Variants in CNOT11 observed in about 807,000 individuals in gnomAD.
CNOT11 encodes CCR4-NOT transcription complex subunit 11.
In CNOT11, 18 loss-of-function variants were observed where a neutral mutation model predicts 44.6. The ratio of observed to expected loss-of-function variants is 0.40; its 90% CI spans 0.28 to 0.60. The LOEUF is 0.60. Ranked by LOEUF, CNOT11 falls within the 20% of genes least tolerant of loss-of-function variation. The probability of loss-of-function intolerance (pLI) is 0.38; values close to 1 mark genes in which losing one functional copy is unlikely to be tolerated. For missense variants in CNOT11, 513 were observed against 677.0 expected, an observed-to-expected ratio of 0.76 and a Z score of 2.69; for synonymous variants, 291 against 270.9, an observed-to-expected ratio of 1.07 and a Z score of -0.73.
At chr2:101,262,008 G>A (rs1011937281) in intron 2 of CNOT11, among the ~76,000 whole-genome samples, 8 of 151,732 alleles carry the variant, frequency 5.3e-5, no homozygotes, top group Non-Finnish European at 1.0e-4. Flanking sequence ...CACCATGCCC[G>A]GCTAATTTTT....
intron 1 of CNOT11, among the ~76,000 whole-genome samples, chr2:101,256,392 C>T (rs1681736445): frequency 6.6e-6 from 1 of 151,920 alleles, no homozygotes; most frequent in Non-Finnish European, 1.5e-5. Context: ...GAGCAGGGGT[C>T]AAAACTGGGA....
intron 1 of CNOT11, among the ~76,000 whole-genome samples, chr2:101,255,945 C>G (rs1681728027): frequency 6.6e-6 from 1 of 152,122 alleles, no homozygotes; most frequent in South Asian, 2.1e-4. Context: ...GGAAGCCAGC[C>G]TGGCCAACAT....
chr2:101,259,260 C>A (rs1681798986), intron 2 of CNOT11, among the ~76,000 whole-genome samples: 1 of 152,306 alleles, frequency 6.6e-6, no homozygotes, highest in African/African-American at 2.4e-5. Flanking sequence ...TGTCTTTCTG[C>A]CAGTACCACA....
intron 5 of CNOT11, among the ~76,000 whole-genome samples, chr2:101,267,212 C>T (rs1446208895): frequency 2.0e-5 from 3 of 152,028 alleles, no homozygotes; most frequent in Admixed American, 6.6e-5. Context: ...AACCTCCACC[C>T]GCTGGGTTCA....
At chr2:101,262,886 A>G (rs992252070) in intron 3 of CNOT11, among the ~76,000 whole-genome samples, 195 bp downstream of exon 3, 1 of 152,124 alleles carries the variant, frequency 6.6e-6, no homozygotes, top group Non-Finnish European at 1.5e-5. Flanking sequence ...CTTTAAGAAA[A>G]ATGCATGCCA....
intron 2 of CNOT11, among the ~76,000 whole-genome samples, chr2:101,260,140 A>G (rs2104364531): frequency 6.6e-6 from 1 of 152,350 alleles, no homozygotes; most frequent in East Asian, 1.9e-4. Flanking sequence ...TAATAAGTAC[A>G]AAAGTACTAG....
intron 4 of CNOT11, among the ~76,000 whole-genome samples, chr2:101,266,431 G>C (rs1681984757): frequency 6.6e-6 from 1 of 152,002 alleles, no homozygotes; most frequent in Non-Finnish European, 1.5e-5. Flanking sequence ...CCAGGAATAG[G>C]AATCACTAGC....
At chr2:101,258,347 G>C (rs1365590711) in intron 2 of CNOT11, among the ~76,000 whole-genome samples, 1 of 151,712 alleles carries the variant, frequency 6.6e-6, no homozygotes, top group African/African-American at 2.4e-5. Context: ...GCAGTGAGCT[G>C]AGAACAAACC....
chr2:101,253,442 C>T lies in CNOT11; in HGVS notation c.478C>T (p.Arg160Cys), dbSNP rs552669679. The T allele has an allele frequency of 2.0e-6, 3 of 1,525,434 alleles. No homozygotes were observed. Among genetic ancestry groups the T allele is most frequent in the East Asian group, 2.4e-5 (1 of 41,466 alleles). The allele number at this position is 1,525,434 out of a possible 1,614,324, so 94.5% of individuals were successfully genotyped here. Residue 160 changes from arginine (R) to cysteine (C), a missense_variant, in exon 1 of 7, where the codon CGC becomes TGC. By Grantham distance (180) the Arg-to-Cys change is radical. Around this residue, in one of 4 missense-constraint regions of CNOT11, gnomAD observed 259 missense variants for 265.7 expected, o/e 0.97. Coordinates refer to ENST00000289382, the MANE Select transcript of CNOT11 (RefSeq NM_017546.5). The surrounding 1 kb of genome is among the most constrained non-coding windows in gnomAD (Gnocchi z 4.3). ...CCTGCTCAACCCCGCGCCGCCCGCC[C>T]GCGGCGGCCAGGAACCCGACCGCCC... ...AHLLNPAPPA[R>C]GGQEPDRPPL...
chr2:101,255,389 G>A (rs1178219748), intron 1 of CNOT11, among the ~76,000 whole-genome samples: 7 of 152,168 alleles, frequency 4.6e-5, no homozygotes, highest in Non-Finnish European at 1.0e-4. Context: ...CAGCTACTTG[G>A]GAGGCTGAGG....
At position 101,253,862 on chromosome 2, in the gene CNOT11, C is replaced by T. The variant is rs542998691; in HGVS notation, c.514+384C>T. The stretch of plus-strand genomic sequence containing the variant: ...CCCGGTTTTTAGTCTCAAAGGAGTA[C>T]GTGGAAGTCAGTATTAAGAAGCTGA... On this transcript the variant is annotated intron_variant, in intron 1 of 6. Transcript: ENST00000289382. This position sits in a 1 kb window ranked among gnomAD's most constrained non-coding sequence, Gnocchi z 4.3. 1.3e-5 allele frequency among the ~76,000 whole-genome samples: 2 copies of T among 152,190 alleles called. No individual in the cohort carries two copies. Among genetic ancestry groups the T allele is most frequent in the Admixed American group, 6.5e-5 (1 of 15,300 alleles).
rs986466133 is a variant in CNOT11, at chr2:101,252,997, C to T, written c.33C>T (p.Gly11=). Residue 11 remains glycine (G), a synonymous_variant, in exon 1 of 7, where the codon GGC becomes GGT. Transcript: ENST00000289382. ...GCGGAGGGGCGAGCGCGGCGTCTGG[C>T]CGGCTTCTCACCGCCGCGGAGCAAA... MPGGGASAAS[G]RLLTAAEQRG... The T allele has an allele frequency of 6.7e-7, 1 of 1,497,396 alleles. No homozygotes were observed. Among genetic ancestry groups the T allele is most frequent in the Admixed American group, 2.2e-5 (1 of 46,008 alleles). 92.8% of individuals were successfully genotyped at this position (1,497,396 alleles called of 1,614,324 possible). A position where few individuals can be genotyped will look rare whatever the true frequency, so the allele number is the denominator to read the frequency against.
intron 4 of CNOT11, among the ~76,000 whole-genome samples, chr2:101,265,815 C>G (rs974834630): frequency 5.9e-5 from 9 of 152,210 alleles, no homozygotes; most frequent in Middle Eastern, 6.8e-3. Flanking sequence ...GCCCCCACTG[C>G]CCGAGTGTGA....
At chr2:101,265,940 G>A (rs1001638065) in intron 4 of CNOT11, among the ~76,000 whole-genome samples, 1 of 152,084 alleles carries the variant, frequency 6.6e-6, no homozygotes, top group African/African-American at 2.4e-5. Context: ...CTCCTATCAC[G>A]TTTGCCACCA....
At chr2:101,267,832 C>T (rs993190527) in intron 5 of CNOT11, among the ~76,000 whole-genome samples, 6 of 152,136 alleles carry the variant, frequency 3.9e-5, no homozygotes, top group Middle Eastern at 3.2e-3. Flanking sequence ...CTCCCTTTCA[C>T]GTGGTATCCT....
intron 2 of CNOT11, among the ~76,000 whole-genome samples, chr2:101,261,422 A>G (rs76935572): frequency 0.017 from 2,570 of 152,246 alleles, 68 homozygotes; most frequent in African/African-American, 0.057. Flanking sequence ...CTGCTGTGGT[A>G]CCTTCACACT....
Position 101,264,868 on chromosome 2 carries a change from C to T in CNOT11, c.856C>T (p.Arg286Cys), listed in dbSNP as rs141528136. 10 of 1,614,056 alleles carry T rather than the reference C, an allele frequency of 6.2e-6. No individual in the cohort carries two copies. In the Admixed American group the frequency reaches 8.3e-5, roughly 13 times the overall value. The change falls in exon 4 of 7, where the codon CGT (arginine) becomes TGT (cysteine). Residue 286 changes from arginine to cysteine, a missense_variant. This residue lies in a region of CNOT11 where 140 missense variants were observed against 169.8 expected (regional missense o/e 0.82). Transcript: ENST00000289382. ...IESHFRPEFI[R>C]PPPPLHICED... Reference sequence around the variant, plus strand: ...AGGCCATTTTCGACCAGAGTTTATTCGTCCACCGCCTCCACTCCACATTTG... The same window carrying T: ...AGGCCATTTTCGACCAGAGTTTATTTGTCCACCGCCTCCACTCCACATTTG...
Position 101,266,896 on chromosome 2 carries a change from G to T in CNOT11, c.1238+17G>T. 1 of 1,584,700 alleles carries T rather than the reference G, an allele frequency of 6.3e-7. No individual in the cohort carries two copies. The highest frequency in any genetic ancestry group is 1.1e-5 in the South Asian group (1 of 90,410). On this transcript the variant is annotated intron_variant, in intron 5 of 6. Coordinates refer to ENST00000289382, the MANE Select transcript of CNOT11 (RefSeq NM_017546.5). ...TGTAAATCGGTAAGTTTCTAGATTTGATCAAATGTGTGGGGATAGATACAG... is the reference window on the plus strand; with the variant it reads ...TGTAAATCGGTAAGTTTCTAGATTTTATCAAATGTGTGGGGATAGATACAG...
At chr2:101,260,099 G>T (rs991559183) in intron 2 of CNOT11, among the ~76,000 whole-genome samples, 2 of 152,038 alleles carry the variant, frequency 1.3e-5, no homozygotes, top group African/African-American at 4.8e-5. Context: ...GAAACCAAAA[G>T]AAATCTTTTT....
Sources: gnomAD v4.1 joint callset for allele counts (sites outside exome capture counted in the v4.1 genomes callset) on GRCh38, gnomAD v4.1.1 for gene constraint, gnomAD v4.1.1 regional missense constraint, Gnocchi (gnomAD v3.1) non-coding constraint, MANE v1.5 for transcripts, NCBI Gene and HGNC (gene_info 2026-07-23, HGNC 2026-07-21) for gene names.